The following LRRIQ3 variants were observed in gnomAD, a reference collection of about 807,000 sequenced individuals.
LRRIQ3 encodes the protein leucine rich repeats and IQ motif containing 3.
A neutral mutation model predicts 59.3 loss-of-function variants in LRRIQ3; 75 were observed. The ratio of observed to expected loss-of-function variants is 1.26; its 90% CI spans 1.05 to 1.53. LRRIQ3 has a LOEUF of 1.53. LRRIQ3 is among the 40% of genes most tolerant of loss of function. The pLI, the probability that LRRIQ3 is intolerant of heterozygous loss-of-function variation, is 0.00. For synonymous variants in LRRIQ3, 250 were observed against 231.3 expected (o/e 1.08, Z -0.73); for missense variants, 831 against 710.0 (o/e 1.17, Z -1.94).
chr1:74,054,510 C>A (rs1368783433), intron 6 of LRRIQ3, among the ~76,000 whole-genome samples: 1 of 151,822 alleles, frequency 6.6e-6, no homozygotes, highest in Non-Finnish European at 1.5e-5. Context: ...CAAGAGTAAA[C>A]CCTAAGGTAA....
At chr1:74,030,853 A>G (rs1653686166) in intron 7 of LRRIQ3, among the ~76,000 whole-genome samples, 1 of 152,326 alleles carries the variant, frequency 6.6e-6, no homozygotes, top group East Asian at 1.9e-4. Context: ...AACTTTTGCA[A>G]TCTACTCATC....
intron 4 of LRRIQ3, among the ~76,000 whole-genome samples, chr1:74,122,782 G>A (rs1387858523): frequency 4.6e-5 from 7 of 152,100 alleles, no homozygotes; most frequent in Non-Finnish European, 1.5e-5. Flanking sequence ...AGGACTTCAT[G>A]TCTAAAACAC....
At chr1:74,084,129 T>C (rs1302276813) in intron 5 of LRRIQ3, 5 of 1,532,702 alleles carry the variant, frequency 3.3e-6, no homozygotes, top group Non-Finnish European at 1.8e-6. Flanking sequence ...CAATGAATGA[T>C]GTGCATAATT....
chr1:74,144,706 CT>C (rs901031152), intron 4 of LRRIQ3, among the ~76,000 whole-genome samples: 3 of 151,162 alleles, frequency 2.0e-5, no homozygotes, highest in East Asian at 1.9e-4. Flanking sequence ...GCATATTTTT[CT>C]TTTTTTTCTA....
chr1:74,138,500 G>C, intron 4 of LRRIQ3: 1 of 984,730 alleles, frequency 1.0e-6, no homozygotes. Flanking sequence ...ATGTCAAGTT[G>C]AATGTCTGTT....
intron 4 of LRRIQ3, among the ~76,000 whole-genome samples, chr1:74,136,894 GTCTTATTTGCTGAACCTCATAACGGTTC>G (rs1238412710): frequency 2.0e-5 from 3 of 151,894 alleles, no homozygotes; most frequent in Non-Finnish European, 2.9e-5. Context: ...AACTTTTAGA[GTCTTATTTGCTGAACCTCATAACGGTTC>G]TTTATTTATA....
At chr1:74,126,210 A>T (rs1646934075) in intron 4 of LRRIQ3, among the ~76,000 whole-genome samples, 1 of 151,782 alleles carries the variant, frequency 6.6e-6, no homozygotes, top group African/African-American at 2.4e-5. Context: ...CTCTACTATC[A>T]TCTCTGATTT....
intron 3 of LRRIQ3, among the ~76,000 whole-genome samples, chr1:74,156,812 G>C (rs566311491): frequency 6.6e-6 from 1 of 152,172 alleles, no homozygotes. Context: ...TTTTAGATTT[G>C]AGATCGTAGG....
chr1:74,117,255 CT>C (rs1460163150), intron 4 of LRRIQ3, among the ~76,000 whole-genome samples: 1 of 152,078 alleles, frequency 6.6e-6, no homozygotes, highest in Non-Finnish European at 1.5e-5. Flanking sequence ...GAAATATTAA[CT>C]TTCAACATAG....
chr1:74,195,115 C>A (rs536050526), intron 1 of LRRIQ3, among the ~76,000 whole-genome samples: 13 of 152,006 alleles, frequency 8.6e-5, no homozygotes, highest in African/African-American at 2.9e-4. Context: ...TCCAACAGGG[C>A]ATAGTGAGAA....
At chr1:74,159,907 C>G (rs567504938) in intron 3 of LRRIQ3, among the ~76,000 whole-genome samples, 60 of 152,140 alleles carry the variant, frequency 3.9e-4, no homozygotes, top group African/African-American at 1.4e-3. Context: ...TCCTCTTTCT[C>G]TCGCACCTTT....
At chr1:74,152,590 C>T (rs1648061814) in intron 4 of LRRIQ3, among the ~76,000 whole-genome samples, 1 of 152,016 alleles carries the variant, frequency 6.6e-6, no homozygotes, top group South Asian at 2.1e-4. Context: ...AGTGAATAAC[C>T]CTCTGTGTTG....
At chr1:74,136,109 T>C (rs944487943) in intron 4 of LRRIQ3, among the ~76,000 whole-genome samples, 2 of 151,898 alleles carry the variant, frequency 1.3e-5, no homozygotes, top group African/African-American at 2.4e-5. Flanking sequence ...AATAGTATTA[T>C]GCCAACAAAT....
intron 3 of LRRIQ3, among the ~76,000 whole-genome samples, chr1:74,163,256 CTTTT>C (rs1053371972): frequency 6.6e-6 from 1 of 151,326 alleles, no homozygotes; most frequent in African/African-American, 2.4e-5. Context: ...TTTATTTATT[CTTTT>C]AATATTATGT....
chr1:74,164,999 T>C (rs1386515333), intron 3 of LRRIQ3, among the ~76,000 whole-genome samples: 1 of 151,580 alleles, frequency 6.6e-6, no homozygotes, highest in South Asian at 2.1e-4. Context: ...TTTTAGGTTT[T>C]ATTTTCTGTT....
At chr1:74,130,165 A>G (rs918710050) in intron 4 of LRRIQ3, among the ~76,000 whole-genome samples, 4 of 152,014 alleles carry the variant, frequency 2.6e-5, no homozygotes, top group Non-Finnish European at 5.9e-5. Flanking sequence ...CAGCACCAGG[A>G]CTTGCCCACA....
chr1:74,192,708 A>G (rs1033480748), intron 1 of LRRIQ3, among the ~76,000 whole-genome samples: 2 of 152,130 alleles, frequency 1.3e-5, no homozygotes, highest in Admixed American at 6.6e-5. Flanking sequence ...ACAGAACATA[A>G]TAATACTGGT....
chr1:74,107,302 T>C (rs1218675580), intron 5 of LRRIQ3, among the ~76,000 whole-genome samples: 1 of 151,992 alleles, frequency 6.6e-6, no homozygotes, highest in Non-Finnish European at 1.5e-5. Flanking sequence ...GCTCATGGCA[T>C]GTTTTGTTGT....
intron 4 of LRRIQ3, 45 bp downstream of exon 4, chr1:74,155,688 A>T: frequency 1.3e-6 from 2 of 1,494,224 alleles, no homozygotes; most frequent in Admixed American, 4.9e-5. Flanking sequence ...TTATTTCTTC[A>T]CCTTCTTATT....
Sources: allele counts gnomAD v4.1 joint callset (sites outside exome capture counted in the v4.1 genomes callset), GRCh38; gene constraint gnomAD v4.1.1; transcripts MANE v1.5; gene names NCBI Gene and HGNC (gene_info 2026-07-23, HGNC 2026-07-21).